The following PPP2R3A variants were observed in gnomAD, a reference collection of about 807,000 sequenced individuals.
PPP2R3A encodes the protein serine/threonine-protein phosphatase 2A regulatory subunit B'' subunit alpha.
PPP2R3A carries 80 observed loss-of-function variants against 106.9 expected under a neutral mutation model. The observed-to-expected ratio is 0.75, with a 90% confidence interval of 0.62 to 0.90. PPP2R3A has a LOEUF of 0.90. Among genes scored for constraint, PPP2R3A ranks in the 40% least tolerant of loss-of-function variants. The pLI, the probability that PPP2R3A is intolerant of heterozygous loss-of-function variation, is 0.00. For missense variants in PPP2R3A, 1,386 were observed against 1,350.4 expected (o/e 1.03, Z -0.41); for synonymous variants, 483 against 468.3 (o/e 1.03, Z -0.41).
chr3:136,019,586 A>G (rs13066914), intron 2 of PPP2R3A, among the ~76,000 whole-genome samples: 10,636 of 152,256 alleles, frequency 0.07, 511 homozygotes, highest in Non-Finnish European at 0.11. Context: ...CTTTGGTGCT[A>G]TATTCCAGTT....
chr3:136,068,581 G>A (rs1287423359), intron 5 of PPP2R3A, among the ~76,000 whole-genome samples: 4 of 152,232 alleles, frequency 2.6e-5, no homozygotes, highest in South Asian at 2.1e-4. Context: ...AAGATTTCCA[G>A]TTAAGAAATG....
chr3:136,122,601 TTA>T (rs1395322893), intron 13 of PPP2R3A, among the ~76,000 whole-genome samples: 1 of 152,186 alleles, frequency 6.6e-6, no homozygotes, highest in Non-Finnish European at 1.5e-5. Flanking sequence ...ACTGTATATA[TTA>T]GGAAGAAATC....
chr3:136,055,265 C>A (rs537869644), intron 5 of PPP2R3A: 3 of 845,708 alleles, frequency 3.5e-6, no homozygotes, highest in Admixed American at 3.6e-5. Flanking sequence ...ACATGAAGTA[C>A]AAATGGATCA....
chr3:136,083,884 A>G (rs547379091), intron 8 of PPP2R3A, among the ~76,000 whole-genome samples: 2 of 152,338 alleles, frequency 1.3e-5, no homozygotes, highest in African/African-American at 4.8e-5. Context: ...AGATCTGTGG[A>G]ACTTTGAACT....
chr3:136,137,534 ATTTTTTTTT>A (rs59086929), intron 13 of PPP2R3A, among the ~76,000 whole-genome samples: 4 of 40,540 alleles, frequency 9.9e-5, no homozygotes, highest in Non-Finnish European at 1.9e-4. Flanking sequence ...TCTGTCAGAG[ATTTTTTTTT>A]TTTTTTTTTT....
At chr3:136,009,968 A>G (rs928386216) in intron 2 of PPP2R3A, among the ~76,000 whole-genome samples, 2 of 152,044 alleles carry the variant, frequency 1.3e-5, no homozygotes, top group African/African-American at 4.8e-5. Context: ...ATGACCACCA[A>G]CCTCCAGTGG....
intron 1 of PPP2R3A, among the ~76,000 whole-genome samples, chr3:135,977,842 G>A (rs1937461801): frequency 6.6e-6 from 1 of 151,756 alleles, no homozygotes; most frequent in South Asian, 2.1e-4. Context: ...TGTGACTATA[G>A]GTGTGAGCCA....
intron 5 of PPP2R3A, among the ~76,000 whole-genome samples, chr3:136,065,040 G>A (rs916353696): frequency 1.3e-5 from 2 of 152,042 alleles, no homozygotes; most frequent in African/African-American, 2.4e-5. Flanking sequence ...AATAAGGATG[G>A]GTTGATATTA....
Position 136,033,728 on chromosome 3 carries a change from A to T in PPP2R3A, c.2262+6630A>T, listed in dbSNP as rs574969528. Among the ~76,000 whole-genome samples, 3 of 152,154 alleles carry T rather than the reference A, an allele frequency of 2.0e-5. No individual in the cohort carries two copies. In the East Asian group the frequency reaches 5.8e-4, roughly 29 times the overall value. ...CTGTATTTCTGTGGTGTCAGTTGTA[A>T]TATCTCCTGTTTTGTTTCTTATTGA... On this transcript the variant is annotated intron_variant, in intron 3 of 13. Transcript: ENST00000264977.
intron 12 of PPP2R3A, 36 bp downstream of exon 12, chr3:136,103,412 C>A: frequency 7.0e-7 from 1 of 1,422,356 alleles, no homozygotes; most frequent in Non-Finnish European, 9.9e-7. Flanking sequence ...TTGAGGGCTG[C>A]AGTGTCAGGG....
chr3:136,039,069 C>T (rs1935173265), intron 3 of PPP2R3A, among the ~76,000 whole-genome samples: 1 of 152,100 alleles, frequency 6.6e-6, no homozygotes, highest in Non-Finnish European at 1.5e-5. Flanking sequence ...AACCCAGCAG[C>T]CTGGATGTTC....
chr3:136,096,532 C>G (rs1937219378), intron 10 of PPP2R3A, among the ~76,000 whole-genome samples: 1 of 152,186 alleles, frequency 6.6e-6, no homozygotes, highest in South Asian at 2.1e-4. Context: ...TGGTTTTTAT[C>G]ATATTCTGCT....
intron 1 of PPP2R3A, among the ~76,000 whole-genome samples, chr3:135,971,327 C>T (rs894601462): frequency 2.0e-5 from 3 of 152,112 alleles, no homozygotes; most frequent in Admixed American, 2.0e-4. Context: ...GCTTCTACCT[C>T]GAAGACTTGG....
rs146734141 is a variant in PPP2R3A, at chr3:136,106,244, C to T, written c.3251C>T (p.Ser1084Leu). 585 of 1,609,224 alleles carry T rather than the reference C, an allele frequency of 3.6e-4. 1 individual carries two copies. Among genetic ancestry groups the T allele is most frequent in the Middle Eastern group, 6.6e-4 (4 of 6,040 alleles). The change falls in exon 13 of 14, where the codon TCA (serine) becomes TTA (leucine). Residue 1084 changes from serine to leucine, a missense_variant. Physicochemically the swap from Ser to Leu is moderately radical, Grantham distance 145 (BLOSUM62 -2). Transcript: ENST00000264977. ...KDVENDGPEP[S>L]DWDRFAAEEY... ...GTTGAGAACGATGGGCCTGAGCCCT[C>T]AGACTGGGACCGGTTTGCCGCTGAG...
intron 13 of PPP2R3A, among the ~76,000 whole-genome samples, chr3:136,137,557 T>C (rs1938672842): frequency 7.2e-6 from 1 of 139,722 alleles, no homozygotes; most frequent in Non-Finnish European, 1.5e-5. Context: ...TTTTTTTTTT[T>C]TTGAGATGGA....
In PPP2R3A at chr3:135,972,157, C is replaced by T. The variant is rs192003030; in HGVS notation, c.-441+6308C>T. Among the ~76,000 whole-genome samples the T allele has an allele frequency of 4.9e-3, 750 of 152,232 alleles. 4 individuals carry two copies. Among genetic ancestry groups the T allele is most frequent in the African/African-American group, 0.017 (695 of 41,534 alleles). On this transcript the variant is annotated intron_variant, in intron 1 of 13. Coordinates refer to ENST00000264977, the MANE Select transcript of PPP2R3A (RefSeq NM_002718.5). The stretch of plus-strand genomic sequence containing the variant: ...CCCTTTACCCCTACCGTCTGGCACC[C>T]GCCAATTTGCTTTCTGTCTATATGG...
At chr3:135,966,801 C>T (rs907132598) in intron 1 of PPP2R3A, among the ~76,000 whole-genome samples, 5 of 152,068 alleles carry the variant, frequency 3.3e-5, no homozygotes, top group Admixed American at 2.0e-4. Flanking sequence ...AGGAAGTATT[C>T]CTCCTCAAAT....
intron 5 of PPP2R3A, among the ~76,000 whole-genome samples, chr3:136,059,109 C>T (rs1935983219): frequency 6.6e-6 from 1 of 151,936 alleles, no homozygotes; most frequent in Non-Finnish European, 1.5e-5. Context: ...ACACCAAGAG[C>T]AATTGTAACG....
At position 136,002,616 on chromosome 3, in the gene PPP2R3A, C is replaced by G. The variant is rs771048987; in HGVS notation, c.1118C>G (p.Ser373Cys). 6.2e-7 allele frequency: 1 copy of G among 1,613,854 alleles called. No individual in the cohort carries two copies. Reference sequence around the variant, plus strand: ...ACTGTACAATCCATTCCAAACAACTCCACAAATTCCTTATATAACTTAGAG... The same window carrying G: ...ACTGTACAATCCATTCCAAACAACTGCACAAATTCCTTATATAACTTAGAG... ...MDTVQSIPNN[S>C]TNSLYNLEVN... Residue 373 changes from serine (S) to cysteine (C), a missense_variant, in exon 2 of 14, where the codon TCC becomes TGC. Physicochemically the swap from Ser to Cys is moderately radical, Grantham distance 112. Coordinates refer to ENST00000264977, the MANE Select transcript of PPP2R3A (RefSeq NM_002718.5).
Sources: allele counts gnomAD v4.1 joint callset (sites outside exome capture counted in the v4.1 genomes callset), GRCh38; gene constraint gnomAD v4.1.1; transcripts MANE v1.5; gene names NCBI Gene and HGNC (gene_info 2026-07-23, HGNC 2026-07-21).